Variants in DPYD observed in about 807,000 individuals in gnomAD.
The protein encoded by DPYD is dihydropyrimidine dehydrogenase [NADP(+)].
DPYD carries 109 observed loss-of-function variants against 116.2 expected under a neutral mutation model. That is an observed-to-expected ratio of 0.94 (90% confidence interval 0.80 to 1.10). The LOEUF is 1.10. Ranked by LOEUF, DPYD falls within the 50% of genes least tolerant of loss-of-function variation. DPYD has a pLI of 0.00. For synonymous variants in DPYD, 440 were observed against 432.0 expected (o/e 1.02, Z -0.23); for missense variants, 1,302 against 1,254.5 (o/e 1.04, Z -0.57).
chr1:97,673,753 T>C (rs1659997223), intron 8 of DPYD, among the ~76,000 whole-genome samples: 1 of 152,042 alleles, frequency 6.6e-6, no homozygotes, highest in African/African-American at 2.4e-5. Context: ...AGATGATTCA[T>C]TAATCCAGGC....
At chr1:97,722,355 GA>G (rs1300583528) in intron 4 of DPYD, among the ~76,000 whole-genome samples, 4 of 150,786 alleles carry the variant, frequency 2.7e-5, no homozygotes, top group Admixed American at 2.0e-4. Context: ...TACTGGAACA[GA>G]AAAAAAAGTA....
intron 14 of DPYD, among the ~76,000 whole-genome samples, chr1:97,435,895 G>T (rs908797938): frequency 6.6e-6 from 1 of 151,876 alleles, no homozygotes; most frequent in Non-Finnish European, 1.5e-5. Flanking sequence ...GCCCAAAAAA[G>T]AGTAAAATGA....
chr1:97,087,598 T>C (rs1310609684), intron 21 of DPYD, among the ~76,000 whole-genome samples: 3 of 152,148 alleles, frequency 2.0e-5, no homozygotes, highest in African/African-American at 7.2e-5. Flanking sequence ...TGAGTAAGGA[T>C]TGGCCAGGAG....
intron 13 of DPYD, among the ~76,000 whole-genome samples, chr1:97,481,857 A>G (rs575522466): frequency 6.7e-6 from 1 of 149,518 alleles, no homozygotes; most frequent in Non-Finnish European, 1.5e-5. Flanking sequence ...TATAATCTCT[A>G]CTCTCTCTCT....
chr1:97,206,699 T>G (rs1659656376), intron 19 of DPYD, among the ~76,000 whole-genome samples: 1 of 121,692 alleles, frequency 8.2e-6, no homozygotes, highest in Admixed American at 9.1e-5. Flanking sequence ...ATCTATATGC[T>G]TATAATGCAT....
chr1:97,573,667 T>C (rs964759511), intron 11 of DPYD, 93 bp downstream of exon 11: 2 of 1,516,396 alleles, frequency 1.3e-6, no homozygotes, highest in African/African-American at 2.7e-5. Context: ...AAATAAATTT[T>C]AAAGTGAAAA....
intron 5 of DPYD, among the ~76,000 whole-genome samples, chr1:97,705,795 G>A (rs982556904): frequency 6.6e-6 from 1 of 152,074 alleles, no homozygotes; most frequent in Admixed American, 6.6e-5. Flanking sequence ...TCCAGCACCT[G>A]TTGTTTCCTG....
intron 2 of DPYD, among the ~76,000 whole-genome samples, chr1:97,880,688 T>C (rs902193532): frequency 3.3e-5 from 5 of 151,984 alleles, no homozygotes; most frequent in Non-Finnish European, 7.4e-5. Context: ...ACCTGAAATA[T>C]ACAAAAGTGC....
chr1:97,375,322 A>AT (rs1671551163), intron 15 of DPYD, among the ~76,000 whole-genome samples: 2 of 151,850 alleles, frequency 1.3e-5, no homozygotes, highest in African/African-American at 4.8e-5. Flanking sequence ...ATTTTAGCCT[A>AT]TTTTTTCCTG....
At chr1:97,318,887 G>A (rs1248769692) in intron 16 of DPYD, among the ~76,000 whole-genome samples, 3 of 148,992 alleles carry the variant, frequency 2.0e-5, no homozygotes, top group African/African-American at 7.5e-5. Context: ...CTATCTCTCA[G>A]ACAACAGTGC....
chr1:97,431,580 T>C (rs1675180125), intron 14 of DPYD, among the ~76,000 whole-genome samples: 1 of 152,188 alleles, frequency 6.6e-6, no homozygotes, highest in Admixed American at 6.6e-5. Context: ...TTTATGGTTA[T>C]ATAATAATTG....
At chr1:97,564,750 T>C (rs1482508259) in intron 11 of DPYD, among the ~76,000 whole-genome samples, 1 of 152,196 alleles carries the variant, frequency 6.6e-6, no homozygotes. Context: ...TTAAGAAATA[T>C]ATCTTGATTC....
intron 3 of DPYD, among the ~76,000 whole-genome samples, chr1:97,750,006 T>C (rs1664785468): frequency 6.6e-6 from 1 of 152,150 alleles, no homozygotes; most frequent in Non-Finnish European, 1.5e-5. Flanking sequence ...TTATTTTGTG[T>C]TGCATATTCA....
chr1:97,422,316 AT>A (rs746672463), intron 14 of DPYD, among the ~76,000 whole-genome samples: 28 of 152,184 alleles, frequency 1.8e-4, no homozygotes, highest in Non-Finnish European at 3.8e-4. Flanking sequence ...GCACAATTTA[AT>A]TGTTTAGTCT....
intron 2 of DPYD, among the ~76,000 whole-genome samples, chr1:97,829,818 A>G (rs547545805): frequency 2.0e-5 from 3 of 151,574 alleles, no homozygotes; most frequent in Admixed American, 6.6e-5. Context: ...TTACATAGGT[A>G]TATATGTGCC....
At position 97,177,361 on chromosome 1, in the gene DPYD, C is replaced by T. The variant is rs1398711108; in HGVS notation, c.2622+15708G>A. Among the ~76,000 whole-genome samples, 4 of 152,122 alleles carry T rather than the reference C, an allele frequency of 2.6e-5. No homozygotes were observed. In the East Asian group the frequency reaches 7.7e-4, roughly 29 times the overall value. ...TTGCAAAATAAAGACTGGGAAGTAT[C>T]TACTGGATTGAGTGATCAGTAGTAA... On this transcript the variant is annotated intron_variant, in intron 20 of 22. Coordinates refer to ENST00000370192, the MANE Select transcript of DPYD (RefSeq NM_000110.4).
At position 97,288,064 on chromosome 1, in the gene DPYD, C is replaced by G. The variant is rs867849429; in HGVS notation, c.2299+17195G>C. Among the ~76,000 whole-genome samples, 6 of 150,976 alleles carry G rather than the reference C, an allele frequency of 4.0e-5. No individual in the cohort carries two copies. In the South Asian group the frequency reaches 1.3e-3, roughly 32 times the overall value. ...CTCTCTGATAAAACAGACTTTAAAC[C>G]AACAAAGATCAAAAGAGACAAAGAA... On this transcript the variant is annotated intron_variant, in intron 18 of 22. Coordinates refer to ENST00000370192, the MANE Select transcript of DPYD (RefSeq NM_000110.4).
intron 2 of DPYD, among the ~76,000 whole-genome samples, chr1:97,833,428 G>A (rs1047165514): frequency 5.3e-5 from 8 of 152,240 alleles, no homozygotes; most frequent in African/African-American, 1.9e-4. Context: ...AACAAGAGAT[G>A]ACTATGAGTT....
At chr1:97,196,405 C>A (rs1658814749) in intron 19 of DPYD, among the ~76,000 whole-genome samples, 1 of 152,106 alleles carries the variant, frequency 6.6e-6, no homozygotes, top group Admixed American at 6.6e-5. Context: ...CATGGACCAC[C>A]ATGCTTGGCC....
Sources: allele counts gnomAD v4.1 joint callset (sites outside exome capture counted in the v4.1 genomes callset), GRCh38; gene constraint gnomAD v4.1.1; transcripts MANE v1.5; gene names NCBI Gene and HGNC (gene_info 2026-07-23, HGNC 2026-07-21).